MYLK: variants seen among roughly 807,000 people sequenced by gnomAD.
MYLK encodes myosin light chain kinase, also known as myosin light chain kinase, smooth muscle.
Under a neutral mutation model 203.4 loss-of-function variants are expected in MYLK, and 106 were observed. The observed-to-expected ratio is 0.52, with a 90% CI of 0.45 to 0.61. The LOEUF is 0.61. Among genes scored for constraint, MYLK ranks in the 20% least tolerant of loss-of-function variants. The probability of loss-of-function intolerance (pLI) is 0.00; values close to 1 mark genes in which losing one functional copy is unlikely to be tolerated. For missense variants in MYLK, 2,072 were observed against 2,442.3 expected (o/e 0.85, Z 3.20); for synonymous variants, 867 against 959.5 (o/e 0.90, Z 1.78).
At chr3:123,802,252 T>C (rs945945799) in intron 3 of MYLK, among the ~76,000 whole-genome samples, 9 of 152,238 alleles carry the variant, frequency 5.9e-5, no homozygotes, top group Non-Finnish European at 1.3e-4. Flanking sequence ...CAGGGTTTCC[T>C]GCTGGCATCC....
At chr3:123,873,636 A>T (rs545993837) in intron 2 of MYLK, among the ~76,000 whole-genome samples, 103 of 152,268 alleles carry the variant, frequency 6.8e-4, no homozygotes, top group African/African-American at 2.4e-3. Context: ...GTTGCTTAAA[A>T]ATAATTAAAA....
intron 4 of MYLK, among the ~76,000 whole-genome samples, chr3:123,766,599 CG>C (rs1309408727): frequency 1.9e-4 from 29 of 152,166 alleles, no homozygotes; most frequent in Non-Finnish European, 4.0e-4. Context: ...GCACTAGAAG[CG>C]AGATAGCTCC....
At position 123,733,991 on chromosome 3, in the gene MYLK, G is replaced by A. The variant is rs4678047; in HGVS notation, c.1005C>T (p.Thr335=). The A allele has an allele frequency of 0.66, 1,059,142 of 1,613,908 alleles. 352,566 individuals carry two copies. The highest frequency in any genetic ancestry group is 0.94 in the East Asian group (42,262 of 44,842). ...AGCTGGAAGTCTTCTGAAGGACCGG[G>A]GTCTGCGGGGCCGTTCTGGGCGAGT... ...CKDSPRTAPQ[T]PVLQKTSSSI... Residue 335 remains threonine (T), a synonymous_variant, in exon 10 of 34, where the codon ACC becomes ACT. Coordinates refer to ENST00000360304, the MANE Select transcript of MYLK (RefSeq NM_053025.4).
rs370362666 is a variant in MYLK at position 123,638,187 on chromosome 3, C to T, written c.4845G>A (p.Ala1615=). The part of the protein sequence containing the change: ...DFGLARRLEN[A]GSLKVLFGTP... The stretch of plus-strand genomic sequence containing the variant: ...TGCCAAAGAGGACCTTCAGAGACCC[C>T]GCATTCTCTGAAACCAGGATGGAGA... The change falls in exon 29 of 34, where the codon GCG becomes GCA. Residue 1615 remains alanine (A), a synonymous_variant. Coordinates refer to ENST00000360304, the MANE Select transcript of MYLK (RefSeq NM_053025.4). The T allele has an allele frequency of 1.1e-5, 18 of 1,613,728 alleles. No individual in the cohort carries two copies. The highest frequency in any genetic ancestry group is 6.7e-5 in the East Asian group (3 of 44,870).
chr3:123,720,876 G>A (rs1030511248), intron 13 of MYLK, among the ~76,000 whole-genome samples: 1 of 152,196 alleles, frequency 6.6e-6, no homozygotes, highest in African/African-American at 2.4e-5. Flanking sequence ...ACAGTGGCCA[G>A]TCTTCCCCTT....
At chr3:123,636,648 G>C (rs1219862854) in intron 29 of MYLK, among the ~76,000 whole-genome samples, 1 of 152,216 alleles carries the variant, frequency 6.6e-6, no homozygotes, top group Non-Finnish European at 1.5e-5. Flanking sequence ...CCCCTACCCT[G>C]CTGTTCCTTA....
rs2066527703 is a variant in MYLK at position 123,838,798 on chromosome 3, ATAATAAAAATTCTCAGC to A, written c.-126-7145_-126-7129del. On this transcript the variant is annotated intron_variant, in intron 2 of 33. Coordinates refer to ENST00000360304, the MANE Select transcript of MYLK (RefSeq NM_053025.4). ...AAGCCAATAGTGGAGATAAAATGAAATAATAAAAATTCTCAGCTGGATGTGGTGGCTCATGTCTGTAA... is the reference window on the plus strand; with the variant it reads ...AAGCCAATAGTGGAGATAAAATGAAATGGATGTGGTGGCTCATGTCTGTAA... Among the ~76,000 whole-genome samples the A allele has an allele frequency of 3.9e-5, 6 of 152,268 alleles. No individual in the cohort carries two copies. The South Asian group carries it at 1.2e-3, about 32-fold the overall frequency.
intron 4 of MYLK, among the ~76,000 whole-genome samples, chr3:123,753,507 G>A (rs1378837470): frequency 1.4e-5 from 2 of 142,978 alleles, no homozygotes; most frequent in East Asian, 4.1e-4. Flanking sequence ...ATGGAGTCTT[G>A]CTCTGTTGCC....
At chr3:123,720,454 G>A (rs1030460491) in intron 13 of MYLK, among the ~76,000 whole-genome samples, 2 of 152,138 alleles carry the variant, frequency 1.3e-5, no homozygotes, top group African/African-American at 4.8e-5. Flanking sequence ...TCTACGTGTA[G>A]CATTCTGACT....
At chr3:123,732,768 G>T in intron 11 of MYLK, 128 bp downstream of exon 11, 2 of 887,124 alleles carry the variant, frequency 2.3e-6, no homozygotes, top group Non-Finnish European at 3.6e-6. Flanking sequence ...GTGATTGGGG[G>T]TGACATTTCT....
chr3:123,753,793 G>C (rs1366903767), intron 4 of MYLK, among the ~76,000 whole-genome samples: 1 of 152,140 alleles, frequency 6.6e-6, no homozygotes, highest in Admixed American at 6.5e-5. Flanking sequence ...AAAGTAGAAG[G>C]CATCATAGGA....
At chr3:123,734,525 A>T (rs1353964827) in intron 9 of MYLK, 1 of 318,694 alleles carries the variant, frequency 3.1e-6, no homozygotes, top group Non-Finnish European at 5.7e-6. Flanking sequence ...TCCCGTGTCC[A>T]CTCTGCCCTC....
intron 2 of MYLK, among the ~76,000 whole-genome samples, chr3:123,859,854 G>T (rs1292702082): frequency 6.6e-6 from 1 of 152,034 alleles, no homozygotes; most frequent in African/African-American, 2.4e-5. Flanking sequence ...GGTAACGTGT[G>T]GGGATCAAAT....
intron 19 of MYLK, among the ~76,000 whole-genome samples, chr3:123,686,708 C>T (rs1309949975): frequency 2.0e-5 from 3 of 152,194 alleles, no homozygotes; most frequent in Non-Finnish European, 4.4e-5. Context: ...ACCGAAATAA[C>T]ATCACCTCAA....
In MYLK at chr3:123,687,627, C is replaced by T. The variant is rs577846992; in HGVS notation, c.3565+5108G>A. On this transcript the variant is annotated intron_variant, in intron 19 of 33. Transcript: ENST00000360304. ...TCCTTCCTACCTTCATTCCTTCCTT[C>T]CTTTCCTTCCTTCCCTCCTTCCTTC... 1.9e-3 allele frequency among the ~76,000 whole-genome samples: 286 copies of T among 151,140 alleles called. 1 individual carries two copies. The highest frequency in any genetic ancestry group is 6.5e-3 in the African/African-American group (267 of 41,238).
chr3:123,610,994 A>ATATC lies in MYLK; in HGVS notation c.*3107_*3110dup, dbSNP rs1386149523. The stretch of plus-strand genomic sequence containing the variant: ...GGGATGAAAATGAATGGAAGAAAGT[A>ATATC]TATCTGTTATTTTTCTCAGTGCAGC... On this transcript the variant is annotated 3_prime_UTR_variant, in exon 34 of 34. Coordinates refer to ENST00000360304, the MANE Select transcript of MYLK (RefSeq NM_053025.4). 6.6e-6 allele frequency: 1 copy of ATATC among 152,230 alleles called. No individual in the cohort carries two copies. The highest frequency in any genetic ancestry group is 1.5e-5 in the Non-Finnish European group (1 of 68,048). 9.4% of individuals were successfully genotyped at this position (152,230 alleles called of 1,614,324 possible). A position where few individuals can be genotyped will look rare whatever the true frequency, so the allele number is the denominator to read the frequency against.
intron 22 of MYLK, among the ~76,000 whole-genome samples, chr3:123,665,498 A>G (rs1031038319): frequency 9.9e-5 from 15 of 152,160 alleles, no homozygotes; most frequent in Admixed American, 3.9e-4. Flanking sequence ...GGAGAATTTG[A>G]GTGATTTTAA....
chr3:123,798,721 G>A (rs933465009), intron 3 of MYLK, among the ~76,000 whole-genome samples: 1 of 151,978 alleles, frequency 6.6e-6, no homozygotes, highest in East Asian at 1.9e-4. Context: ...GTGCTTTTGT[G>A]GGGGAGAGTT....
At chr3:123,830,959 CTA>C (rs1309235654) in intron 3 of MYLK, among the ~76,000 whole-genome samples, 1 of 152,180 alleles carries the variant, frequency 6.6e-6, no homozygotes, top group Non-Finnish European at 1.5e-5. Context: ...CACTCTACAC[CTA>C]TTATCACACA....
Sources: allele counts gnomAD v4.1 joint callset (sites outside exome capture counted in the v4.1 genomes callset), GRCh38; gene constraint gnomAD v4.1.1; transcripts MANE v1.5; gene names NCBI Gene and HGNC (gene_info 2026-07-23, HGNC 2026-07-21).